PSD3: variants seen among roughly 807,000 people sequenced by gnomAD.
The protein encoded by PSD3 is pleckstrin and Sec7 domain containing 3.
A neutral mutation model predicts 105.5 loss-of-function variants in PSD3; 49 were observed. The ratio of observed to expected loss-of-function variants is 0.46; its 90% CI spans 0.37 to 0.59. The LOEUF is 0.59. Among genes scored for constraint, PSD3 ranks in the 20% least tolerant of loss-of-function variants. PSD3 has a pLI of 0.00. For synonymous variants in PSD3, 557 were observed against 457.8 expected, an observed-to-expected ratio of 1.22 and a Z score of -2.77; for missense variants, 1,561 against 1,263.8, an observed-to-expected ratio of 1.24 and a Z score of -3.57.
At chr8:18,568,486 G>A (rs892125144) in intron 14 of PSD3, among the ~76,000 whole-genome samples, 4 of 123,794 alleles carry the variant, frequency 3.2e-5, no homozygotes, top group African/African-American at 5.0e-5. Context: ...GACTCCAGAA[G>A]CAGGTCAGAC....
At chr8:18,836,149 A>G (rs11781914) in intron 4 of PSD3, among the ~76,000 whole-genome samples, 61,905 of 152,094 alleles carry the variant, frequency 0.41, 12,852 homozygotes, top group African/African-American at 0.45. Context: ...GTGAGATGCC[A>G]AAAAGGTGCT....
At chr8:18,668,497 C>T (rs923928085) in intron 9 of PSD3, among the ~76,000 whole-genome samples, 2 of 152,080 alleles carry the variant, frequency 1.3e-5, no homozygotes, top group Non-Finnish European at 2.9e-5. Context: ...TCACAGCAGC[C>T]ATATATGAGA....
chr8:18,601,088 C>T (rs1255880062), intron 11 of PSD3, among the ~76,000 whole-genome samples: 2 of 152,070 alleles, frequency 1.3e-5, no homozygotes, highest in African/African-American at 2.4e-5. Context: ...TTCACCAAAT[C>T]GAGTATACTG....
At chr8:18,790,303 TTC>T (rs1341261420) in intron 8 of PSD3, among the ~76,000 whole-genome samples, 1 of 150,162 alleles carries the variant, frequency 6.7e-6, no homozygotes, top group African/African-American at 2.5e-5. Flanking sequence ...CTTTTTTCTT[TTC>T]TTTTTTTTTT....
At chr8:18,961,379 A>G (rs1823906781) in intron 1 of PSD3, among the ~76,000 whole-genome samples, 1 of 152,198 alleles carries the variant, frequency 6.6e-6, no homozygotes, top group Admixed American at 6.5e-5. Flanking sequence ...CAAAAATAAC[A>G]GAAGAGCCAT....
chr8:18,702,573 G>C (rs898869930), intron 9 of PSD3, among the ~76,000 whole-genome samples: 1 of 151,968 alleles, frequency 6.6e-6, no homozygotes, highest in Non-Finnish European at 1.5e-5. Context: ...TGTGGTGGGA[G>C]CATTACAATT....
At chr8:19,081,501 A>G (rs1345590595) in intron 1 of PSD3, among the ~76,000 whole-genome samples, 6 of 152,190 alleles carry the variant, frequency 3.9e-5, no homozygotes, top group South Asian at 2.1e-4. Flanking sequence ...GTTGCTTACT[A>G]TCTGCAAGCA....
At chr8:19,011,399 C>T (rs986796330) in intron 1 of PSD3, among the ~76,000 whole-genome samples, 3 of 152,098 alleles carry the variant, frequency 2.0e-5, no homozygotes, top group Admixed American at 1.3e-4. Flanking sequence ...TGTAATGCCA[C>T]GCTAAATTCC....
intron 4 of PSD3, among the ~76,000 whole-genome samples, chr8:18,842,904 T>C (rs1255235744): frequency 6.6e-6 from 1 of 152,180 alleles, no homozygotes; most frequent in Non-Finnish European, 1.5e-5. Flanking sequence ...AGTTCCCTCT[T>C]GCCAGAACAC....
At chr8:18,562,740 T>C (rs969365344) in intron 14 of PSD3, among the ~76,000 whole-genome samples, 2 of 151,990 alleles carry the variant, frequency 1.3e-5, no homozygotes, top group Non-Finnish European at 2.9e-5. Context: ...AATACAAAAA[T>C]TAGCCGGGTG....
chr8:18,907,639 G>T (rs1819933462), intron 2 of PSD3, among the ~76,000 whole-genome samples: 2 of 152,206 alleles, frequency 1.3e-5, no homozygotes, highest in East Asian at 1.9e-4. Context: ...TAGCCTAGGT[G>T]TGTCTCATAT....
chr8:18,657,476 CAT>C (rs1475435533), intron 9 of PSD3, among the ~76,000 whole-genome samples: 1 of 152,090 alleles, frequency 6.6e-6, no homozygotes, highest in East Asian at 1.9e-4. Flanking sequence ...TTTTTCAGGA[CAT>C]GATAGGTATT....
chr8:18,724,194 T>C (rs1156606634), intron 9 of PSD3, among the ~76,000 whole-genome samples: 1 of 151,928 alleles, frequency 6.6e-6, no homozygotes, highest in Non-Finnish European at 1.5e-5. Context: ...TCAGGACGAG[T>C]AGAGGGGTAA....
chr8:19,039,010 C>A (rs943245709), intron 1 of PSD3, among the ~76,000 whole-genome samples: 2 of 152,146 alleles, frequency 1.3e-5, no homozygotes, highest in African/African-American at 2.4e-5. Flanking sequence ...GAGCTCTTAA[C>A]CACTAAGCCC....
chr8:18,846,566 C>T (rs904693355), intron 4 of PSD3, among the ~76,000 whole-genome samples: 5 of 152,146 alleles, frequency 3.3e-5, no homozygotes, highest in African/African-American at 7.2e-5. Context: ...GAGAGGGTCA[C>T]GGACTGCTGA....
chr8:19,050,311 C>T (rs370024744), intron 1 of PSD3, among the ~76,000 whole-genome samples: 24 of 151,996 alleles, frequency 1.6e-4, no homozygotes, highest in African/African-American at 4.8e-4. Context: ...CCCATATCCC[C>T]GCCTGTCAAG....
At chr8:18,796,168 C>T (rs1430855884) in intron 8 of PSD3, among the ~76,000 whole-genome samples, 1 of 71,480 alleles carries the variant, frequency 1.4e-5, no homozygotes, top group African/African-American at 3.1e-5. Flanking sequence ...ACTGAATTCT[C>T]CCCCCAAATA....
intron 2 of PSD3, among the ~76,000 whole-genome samples, chr8:18,917,596 G>A (rs368741557): frequency 6.6e-5 from 10 of 152,184 alleles, no homozygotes; most frequent in South Asian, 2.1e-4. Flanking sequence ...TATATGTTTC[G>A]CTTGAAGTCG....
chr8:18,668,060 C>A (rs1014265802), intron 9 of PSD3, among the ~76,000 whole-genome samples: 2 of 152,224 alleles, frequency 1.3e-5, no homozygotes, highest in Non-Finnish European at 2.9e-5. Flanking sequence ...CCGCCCAGGC[C>A]TCTCCCTGCA....
Sources: allele counts gnomAD v4.1 joint callset (sites outside exome capture counted in the v4.1 genomes callset), GRCh38; gene constraint gnomAD v4.1.1; transcripts MANE v1.5; gene names NCBI Gene and HGNC (gene_info 2026-07-23, HGNC 2026-07-21).